The following CTNNA1 variants were observed in gnomAD, a reference collection of about 807,000 sequenced individuals.
CTNNA1 encodes catenin alpha-1.
CTNNA1 carries 37 observed loss-of-function variants against 98.4 expected under a neutral mutation model. That is an observed-to-expected ratio of 0.38 (90% confidence interval 0.29 to 0.49). The LOEUF (loss-of-function observed/expected upper bound fraction) is 0.49. Ranked by LOEUF, CTNNA1 falls within the 20% of genes least tolerant of loss-of-function variation. The pLI, the probability that CTNNA1 is intolerant of heterozygous loss-of-function variation, is 0.95. For missense variants in CTNNA1, 761 were observed against 1,147.2 expected (o/e 0.66, Z 4.86); for synonymous variants, 404 against 413.2 (o/e 0.98, Z 0.27).
chr5:138,829,551 C>T (rs1264458702), intron 7 of CTNNA1, among the ~76,000 whole-genome samples: 2 of 152,150 alleles, frequency 1.3e-5, no homozygotes, highest in East Asian at 1.9e-4. Flanking sequence ...CATTCTTGGG[C>T]CAATCACCCC....
chr5:138,765,072 G>T (rs1226971034), intron 1 of CTNNA1, among the ~76,000 whole-genome samples: 1 of 151,444 alleles, frequency 6.6e-6, no homozygotes, highest in Non-Finnish European at 1.5e-5. Context: ...ACGGAGTCTT[G>T]CTCTGTCCCC....
chr5:138,797,617 T>G (rs1252250703), intron 3 of CTNNA1, among the ~76,000 whole-genome samples: 2 of 152,152 alleles, frequency 1.3e-5, no homozygotes, highest in Non-Finnish European at 2.9e-5. Context: ...TAGTATTATT[T>G]TGGGGAAGGA....
intron 7 of CTNNA1, chr5:138,880,852 G>A: frequency 2.9e-6 from 1 of 341,966 alleles, no homozygotes; most frequent in Non-Finnish European, 5.8e-6. Flanking sequence ...TAGCACTTAA[G>A]GTTGATGAAG....
At chr5:138,781,782 A>C (rs867820048) in intron 1 of CTNNA1, 141 bp from the exon 2 acceptor site, 39 of 649,982 alleles carry the variant, frequency 6.0e-5, no homozygotes, top group Middle Eastern at 4.3e-4. Context: ...CTGGGTCTTC[A>C]TGTGTAGGCT....
At chr5:138,842,999 T>A (rs1410013092) in intron 7 of CTNNA1, among the ~76,000 whole-genome samples, 1 of 152,172 alleles carries the variant, frequency 6.6e-6, no homozygotes, top group East Asian at 1.9e-4. Flanking sequence ...ATTACACTAA[T>A]TTGGGGGTTA....
At chr5:138,830,778 C>G (rs555109479) in intron 7 of CTNNA1, among the ~76,000 whole-genome samples, 3 of 152,250 alleles carry the variant, frequency 2.0e-5, no homozygotes, top group African/African-American at 7.2e-5. Context: ...TCTGATCCCT[C>G]CCTTCTGGAA....
At chr5:138,919,967 A>ATTTT (rs34990349) in intron 11 of CTNNA1, among the ~76,000 whole-genome samples, 5 of 79,408 alleles carry the variant, frequency 6.3e-5, no homozygotes, top group African/African-American at 1.1e-4. Flanking sequence ...AGCTTTGGCA[A>ATTTT]TTTTTTTTTT....
chr5:138,882,508 TAAG>T (rs961572441), intron 7 of CTNNA1, among the ~76,000 whole-genome samples: 5 of 152,180 alleles, frequency 3.3e-5, no homozygotes, highest in African/African-American at 1.2e-4. Context: ...ACTTTTTATC[TAAG>T]AAGTATGGTG....
chr5:138,800,978 A>G (rs1358346682), intron 3 of CTNNA1, among the ~76,000 whole-genome samples: 1 of 152,174 alleles, frequency 6.6e-6, no homozygotes, highest in Non-Finnish European at 1.5e-5. Flanking sequence ...TATTAGCTTC[A>G]TGGTGTTTCT....
chr5:138,757,993 A>G (rs1425877421), intron 1 of CTNNA1, among the ~76,000 whole-genome samples: 1 of 151,730 alleles, frequency 6.6e-6, no homozygotes, highest in Non-Finnish European at 1.5e-5. Context: ...TGTGTAATAT[A>G]TTCTTTTTTT....
At chr5:138,856,509 T>C (rs1014418670) in intron 7 of CTNNA1, among the ~76,000 whole-genome samples, 1 of 152,186 alleles carries the variant, frequency 6.6e-6, no homozygotes, top group Admixed American at 6.5e-5. Context: ...ACTCGGCTAA[T>C]TTTTAAATTC....
intron 5 of CTNNA1, among the ~76,000 whole-genome samples, chr5:138,823,830 G>A (rs1032517602): frequency 3.3e-5 from 5 of 149,410 alleles, no homozygotes; most frequent in Non-Finnish European, 3.0e-5. Context: ...AGTGGCGGGC[G>A]CCTGTAGTCC....
At chr5:138,809,256 C>G (rs190992791) in intron 3 of CTNNA1, among the ~76,000 whole-genome samples, 2 of 152,124 alleles carry the variant, frequency 1.3e-5, no homozygotes, top group Non-Finnish European at 2.9e-5. Flanking sequence ...ATTATAGATA[C>G]AATACCTCTT....
intron 7 of CTNNA1, among the ~76,000 whole-genome samples, chr5:138,862,457 C>T (rs1486897747): frequency 6.6e-6 from 1 of 152,104 alleles, no homozygotes; most frequent in Non-Finnish European, 1.5e-5. Flanking sequence ...ATTCTTATTT[C>T]TTTTGAAAAA....
rs28363428 is a variant in CTNNA1 at position 138,850,667 on chromosome 5, A to G, written c.1062+22949A>G. On this transcript the variant is annotated intron_variant, in intron 7 of 17. Transcript: ENST00000302763. ...CTATAACAACTTTGAAGGTTTTACT[A>G]TTTCACTGTAGTCTCTTTCAGTTTG... 4.6e-3 allele frequency among the ~76,000 whole-genome samples: 707 copies of G among 152,236 alleles called. 8 individuals are homozygous for G. The highest frequency in any genetic ancestry group is 0.016 in the African/African-American group (681 of 41,554).
chr5:138,761,069 C>T (rs557569966), intron 1 of CTNNA1, among the ~76,000 whole-genome samples: 4 of 152,310 alleles, frequency 2.6e-5, no homozygotes, highest in South Asian at 2.1e-4. Context: ...TGTAGTCCTT[C>T]GTCAGCCTCT....
intron 9 of CTNNA1, among the ~76,000 whole-genome samples, chr5:138,900,171 A>G (rs752285894): frequency 2.1e-4 from 32 of 152,082 alleles, no homozygotes; most frequent in Non-Finnish European, 2.9e-5. Context: ...TTTTGATTTT[A>G]TTGTTATTTT....
rs533513026 is a variant in CTNNA1, at chr5:138,775,392, C to T, written c.-2-6531C>T. Among the ~76,000 whole-genome samples the T allele has an allele frequency of 7.2e-5, 11 of 152,220 alleles. No homozygotes were observed. The South Asian group carries it at 8.3e-4, about 11-fold the overall frequency. On this transcript the variant is annotated intron_variant, in intron 1 of 17. Coordinates refer to ENST00000302763, the MANE Select transcript of CTNNA1 (RefSeq NM_001903.5). ...TTTAAAAACCAAAGTGTAGGCCTGA[C>T]GTCACATGAATGTAGACAGCAAATT... is the stretch of plus-strand genomic sequence containing the variant.
Position 138,873,183 on chromosome 5 carries a change from T to C in CTNNA1, c.1063-13029T>C, listed in dbSNP as rs751513591. 1.2e-6 allele frequency: 2 copies of C among 1,602,174 alleles called. No individual in the cohort carries two copies. Among genetic ancestry groups the C allele is most frequent in the Admixed American group, 1.7e-5 (1 of 59,620 alleles). ...CGGAGCTGCCTGTGGTTCTGAACCA[T>C]TGAGCACTGCCTAATTCTTCTTAAA... On this transcript the variant is annotated intron_variant, in intron 7 of 17. Transcript: ENST00000302763. This position sits in a 1 kb window ranked among gnomAD's most constrained non-coding sequence, Gnocchi z 6.1.
Sources: allele counts gnomAD v4.1 joint callset (sites outside exome capture counted in the v4.1 genomes callset), GRCh38; gene constraint gnomAD v4.1.1; non-coding constraint Gnocchi (gnomAD v3.1); transcripts MANE v1.5; gene names NCBI Gene and HGNC (gene_info 2026-07-23, HGNC 2026-07-21).